Variants in NOL4 observed in about 807,000 individuals in gnomAD.
NOL4 encodes the protein cancer/testis antigen 125.
In NOL4, 17 loss-of-function variants were observed where a neutral mutation model predicts 75.9. The observed-to-expected ratio is 0.22, with a 90% CI of 0.15 to 0.34. The LOEUF (loss-of-function observed/expected upper bound fraction) is 0.34, where lower values mean the gene tolerates loss of function less well. Ranked by LOEUF, NOL4 falls within the 10% of genes least tolerant of loss-of-function variation. NOL4 has a pLI of 1.00. For synonymous variants in NOL4, 292 were observed against 289.9 expected, an observed-to-expected ratio of 1.01 and a Z score of -0.07; for missense variants, 614 against 793.5, an observed-to-expected ratio of 0.77 and a Z score of 2.72.
intron 5 of NOL4, chr18:34,048,343 T>G (rs1005719285): frequency 1.8e-6 from 1 of 561,542 alleles, no homozygotes. Context: ...TATCAGAGTC[T>G]ACTCCTGTCA....
intron 1 of NOL4, among the ~76,000 whole-genome samples, chr18:34,194,089 G>C (rs2035123043): frequency 6.6e-6 from 1 of 151,914 alleles, no homozygotes; most frequent in Non-Finnish European, 1.5e-5. Context: ...TAGGGGTTGG[G>C]GAAATGTTGG....
At chr18:33,983,341 T>C (rs767822808) in intron 6 of NOL4, among the ~76,000 whole-genome samples, 15 of 152,126 alleles carry the variant, frequency 9.9e-5, no homozygotes, top group Non-Finnish European at 2.2e-4. Flanking sequence ...CTTTAAGTGA[T>C]GATAACGTGT....
intron 1 of NOL4, among the ~76,000 whole-genome samples, chr18:34,143,471 A>G (rs188921734): frequency 6.6e-6 from 1 of 152,312 alleles, no homozygotes; most frequent in African/African-American, 2.4e-5. Context: ...ATAAAACTCC[A>G]TACAACTTTT....
At chr18:34,046,678 AT>A (rs897432005) in intron 5 of NOL4, among the ~76,000 whole-genome samples, 1 of 130,050 alleles carries the variant, frequency 7.7e-6, no homozygotes, top group African/African-American at 2.9e-5. Context: ...AATGGTGCCT[AT>A]TTTTTTCTTA....
At chr18:33,877,481 A>G (rs985312886) in intron 10 of NOL4, among the ~76,000 whole-genome samples, 4 of 150,938 alleles carry the variant, frequency 2.7e-5, no homozygotes, top group Non-Finnish European at 5.9e-5. Context: ...TGAATTAACT[A>G]AACAACTCCA....
chr18:34,131,978 T>C (rs1049399133), intron 1 of NOL4, among the ~76,000 whole-genome samples: 1 of 152,068 alleles, frequency 6.6e-6, no homozygotes, highest in Non-Finnish European at 1.5e-5. Flanking sequence ...TCAAAAAGAG[T>C]ACTTTATTTT....
At chr18:34,196,809 A>G (rs1041617633) in intron 1 of NOL4, among the ~76,000 whole-genome samples, 3 of 152,088 alleles carry the variant, frequency 2.0e-5, no homozygotes, top group African/African-American at 7.2e-5. Context: ...TATTAAACAA[A>G]TAATTGAGTT....
chr18:34,016,086 T>C (rs1016649860), intron 6 of NOL4, among the ~76,000 whole-genome samples: 1 of 152,106 alleles, frequency 6.6e-6, no homozygotes, highest in African/African-American at 2.4e-5. Context: ...TTGTAGGCTA[T>C]GTGAATGGCA....
intron 1 of NOL4, among the ~76,000 whole-genome samples, chr18:34,193,005 G>C (rs2035034570): frequency 1.3e-5 from 2 of 152,196 alleles, no homozygotes; most frequent in South Asian, 2.1e-4. Context: ...CTAACCTCCA[G>C]AACTGTAAGA....
rs912179941 is a variant in NOL4 at position 34,223,782 on chromosome 18, A to C, written c.-529T>G. 5 of 154,918 alleles carry C rather than the reference A, an allele frequency of 3.2e-5. No individual in the cohort carries two copies. The highest frequency in any genetic ancestry group is 1.2e-4 in the African/African-American group (5 of 41,460). The allele number at this position is 154,918 out of a possible 1,614,324, so 9.6% of individuals were successfully genotyped here. On this transcript the variant is annotated 5_prime_UTR_variant, in exon 1 of 11. Transcript: ENST00000261592. ...TGAGGGCTGCGCCTCTCCCGAAAGC[A>C]GCCGCCCGCCCAGCGCCTTTGAGCC...
At chr18:34,199,455 A>G (rs1169869021) in intron 1 of NOL4, among the ~76,000 whole-genome samples, 1 of 151,882 alleles carries the variant, frequency 6.6e-6, no homozygotes, top group Admixed American at 6.6e-5. Flanking sequence ...CCCCACACAC[A>G]AATACACACA....
intron 5 of NOL4, among the ~76,000 whole-genome samples, chr18:34,051,619 G>T (rs2076628194): frequency 6.6e-6 from 1 of 152,076 alleles, no homozygotes; most frequent in Non-Finnish European, 1.5e-5. Context: ...CAAAGGCTTA[G>T]ACCACTGTGC....
chr18:33,910,730 G>A (rs1359337475), intron 9 of NOL4, among the ~76,000 whole-genome samples: 2 of 152,100 alleles, frequency 1.3e-5, no homozygotes, highest in Admixed American at 6.6e-5. Flanking sequence ...CTCTCCAAAT[G>A]TTTGTTCCTT....
chr18:33,858,407 T>A (rs952704857), intron 10 of NOL4, among the ~76,000 whole-genome samples: 4 of 151,882 alleles, frequency 2.6e-5, no homozygotes, highest in Non-Finnish European at 5.9e-5. Context: ...AAATCAACTA[T>A]AAAACCTCAG....
chr18:34,187,317 G>C (rs1349804326), intron 1 of NOL4, among the ~76,000 whole-genome samples: 1 of 145,494 alleles, frequency 6.9e-6, no homozygotes, highest in African/African-American at 2.5e-5. Context: ...TTTTCACTTA[G>C]TAATTTGCAT....
intron 8 of NOL4, 66 bp downstream of exon 8, chr18:33,957,260 A>T: frequency 7.9e-7 from 1 of 1,267,296 alleles, no homozygotes; most frequent in Non-Finnish European, 1.1e-6. Context: ...TGGAAAAAAA[A>T]TAGTGTCATG....
chr18:33,898,696 A>G (rs182268535), intron 9 of NOL4, among the ~76,000 whole-genome samples: 1 of 152,316 alleles, frequency 6.6e-6, no homozygotes, highest in East Asian at 1.9e-4. Context: ...TTGTGATAAC[A>G]TACCAATCCT....
chr18:33,874,718 G>T (rs1332189720), intron 10 of NOL4, among the ~76,000 whole-genome samples: 3 of 151,932 alleles, frequency 2.0e-5, no homozygotes, highest in Admixed American at 2.0e-4. Context: ...AGAAGTGAAG[G>T]CAGTGAATGA....
intron 6 of NOL4, among the ~76,000 whole-genome samples, chr18:34,001,018 G>T (rs538358561): frequency 1.4e-4 from 22 of 152,150 alleles, no homozygotes; most frequent in Middle Eastern, 3.4e-3. Flanking sequence ...TGAAATGGTA[G>T]GTCCTCACAG....
Sources: allele counts gnomAD v4.1 joint callset (sites outside exome capture counted in the v4.1 genomes callset), GRCh38; gene constraint gnomAD v4.1.1; transcripts MANE v1.5; gene names NCBI Gene and HGNC (gene_info 2026-07-23, HGNC 2026-07-21).